DIS3L: variants seen among roughly 807,000 people sequenced by gnomAD.
The protein encoded by DIS3L is DIS3 like exosome 3'-5' exoribonuclease.
In DIS3L, 100 loss-of-function variants were observed where a neutral mutation model predicts 120.3. That is an observed-to-expected ratio of 0.83 (90% confidence interval 0.71 to 0.98). DIS3L has a LOEUF of 0.98. DIS3L is among the 50% of genes least tolerant of loss of function. The pLI is 0.00. For synonymous variants in DIS3L, 426 were observed against 470.6 expected, an observed-to-expected ratio of 0.91 and a Z score of 1.23; for missense variants, 1,196 against 1,314.2, an observed-to-expected ratio of 0.91 and a Z score of 1.39.
intron 4 of DIS3L, among the ~76,000 whole-genome samples, chr15:66,309,724 T>C (rs1376756541): frequency 3.3e-5 from 5 of 152,234 alleles, no homozygotes; most frequent in African/African-American, 4.8e-5. Flanking sequence ...CACCATGCTA[T>C]ACTGCCTTCC....
chr15:66,300,611 A>T (rs897001677), intron 2 of DIS3L, among the ~76,000 whole-genome samples: 1 of 152,200 alleles, frequency 6.6e-6, no homozygotes, highest in South Asian at 2.1e-4. Context: ...TGATAGATTT[A>T]GGTACAATAA....
At chr15:66,307,009 A>T in intron 3 of DIS3L, 57 bp downstream of exon 3, 2 of 1,601,844 alleles carry the variant, frequency 1.2e-6, no homozygotes, top group Admixed American at 1.7e-5. Context: ...TTTCCTCATC[A>T]TTGGCTGTTT....
intron 9 of DIS3L, among the ~76,000 whole-genome samples, chr15:66,321,611 A>C (rs563750769): frequency 1.3e-5 from 2 of 151,992 alleles, no homozygotes; most frequent in Non-Finnish European, 2.9e-5. Context: ...AAAACACACA[A>C]AAAAAGTATC....
rs369153845 is a variant in DIS3L at position 66,333,026 on chromosome 15, C to G, written c.2879C>G (p.Ser960Ter). The G allele has an allele frequency of 1.9e-6, 3 of 1,612,562 alleles. No homozygotes were observed. The highest frequency in any genetic ancestry group is 2.5e-6 in the Non-Finnish European group (3 of 1,179,584). Residue 960 changes from serine to a stop codon, truncating the protein, a stop_gained, in exon 17 of 17, where the codon TCA (serine) becomes TGA (stop). Transcript: ENST00000319212. LOFTEE classifies it high-confidence loss of function. Reference protein sequence around the residue: ...HVTVRISIQASRCHSDTIRLE... With the variant: ...HVTVRISIQA ...TAGGTAAGAATATCCATACAGGCCT[C>G]ACGTTGCCATTCTGATACAATCAGA...
intron 10 of DIS3L, among the ~76,000 whole-genome samples, chr15:66,323,203 A>T (rs533299400): frequency 6.6e-6 from 1 of 152,362 alleles, no homozygotes; most frequent in East Asian, 1.9e-4. Flanking sequence ...ACTATTTTTT[A>T]AAAATACTGG....
Position 66,325,934 on chromosome 15 carries a change from G to A in DIS3L, c.1771G>A (p.Glu591Lys). ...IIRSAYKLFY[E>K]AAQELLDGNL... ...TCGATCAGCATACAAACTGTTCTATGAAGCAGCCCAAGAACTACTGGATGG... is the reference window on the plus strand; with the variant it reads ...TCGATCAGCATACAAACTGTTCTATAAAGCAGCCCAAGAACTACTGGATGG... Residue 591 changes from glutamate to lysine, a missense_variant, in exon 12 of 17, where the codon GAA becomes AAA. Glu to Lys is a moderately conservative substitution (Grantham distance 56). Transcript: ENST00000319212. 1 of 1,614,216 alleles carries A rather than the reference G, an allele frequency of 6.2e-7. No individual in the cohort carries two copies. Among genetic ancestry groups the A allele is most frequent in the Non-Finnish European group, 8.5e-7 (1 of 1,180,040 alleles).
intron 1 of DIS3L, 139 bp downstream of exon 1, chr15:66,293,874 C>T (rs1249399356): frequency 2.3e-6 from 2 of 856,044 alleles, no homozygotes; most frequent in African/African-American, 1.2e-4. Flanking sequence ...CGCTCGCCGG[C>T]CTCACCCCCC....
At chr15:66,311,361 C>G (rs1269398026) in intron 4 of DIS3L, among the ~76,000 whole-genome samples, 2 of 151,596 alleles carry the variant, frequency 1.3e-5, no homozygotes, top group African/African-American at 4.9e-5. Flanking sequence ...GAGGTCTTGT[C>G]TCAAAAAAAA....
At chr15:66,328,387 G>A (rs2092960984) in intron 12 of DIS3L, among the ~76,000 whole-genome samples, 2 of 151,654 alleles carry the variant, frequency 1.3e-5, no homozygotes, top group African/African-American at 4.9e-5. Context: ...ATTTCCTGGG[G>A]CTTTGAAATT....
In DIS3L at chr15:66,332,774, A is replaced by T. The variant is rs146984678; in HGVS notation, c.2720A>T (p.Asp907Val). The T allele has an allele frequency of 6.2e-7, 1 of 1,613,306 alleles. No homozygotes were observed. The highest frequency in any genetic ancestry group is 1.1e-5 in the South Asian group (1 of 90,980). Reference protein sequence around the residue: ...IKGAAYLKNKDGLVISCGPDS... With the variant: ...IKGAAYLKNKVGLVISCGPDS... ...GGTGCTGCTTATCTAAAAAATAAAG[A>T]TGGTTTAGTCATCTCATGTGGCCCA... Residue 907 changes from aspartate (D) to valine (V), a missense_variant, in exon 16 of 17, where the codon GAT becomes GTT. By Grantham distance (152) the Asp-to-Val change is radical (BLOSUM62 -3). Transcript: ENST00000319212.
chr15:66,306,650 A>C, intron 2 of DIS3L, 174 bp from the exon 3 acceptor site: 1 of 847,632 alleles, frequency 1.2e-6, no homozygotes, highest in Non-Finnish European at 1.7e-6. Context: ...ATCGAGAAAC[A>C]ATAGCAGCCC....
rs889735385 is a variant in DIS3L, at chr15:66,330,555, C to T, written c.2535+1156C>T. 7 of 983,030 alleles carry T rather than the reference C, an allele frequency of 7.1e-6. No individual in the cohort carries two copies. The Admixed American group carries it at 3.7e-4, about 52-fold the overall frequency. 60.9% of individuals were successfully genotyped at this position (983,030 alleles called of 1,614,324 possible). A position where few individuals can be genotyped will look rare whatever the true frequency, so the allele number is the denominator to read the frequency against. On this transcript the variant is annotated intron_variant, in intron 14 of 16. Transcript: ENST00000319212. ...TGCTGTGCAATGTTGTAGCACTAGC[C>T]ATGTGGACTACCTAAATTTAATTAA...
At chr15:66,330,605 G>A (rs1224082732) in intron 14 of DIS3L, 13 of 960,188 alleles carry the variant, frequency 1.4e-5, no homozygotes, top group South Asian at 4.8e-5. Context: ...ATTTGTCTCA[G>A]TAGAAATTTG....
rs8037905 is a variant in DIS3L, at chr15:66,296,964, G to T, written c.293+1823G>T. On this transcript the variant is annotated intron_variant, in intron 2 of 16. Transcript: ENST00000319212. The stretch of plus-strand genomic sequence containing the variant: ...TATGCAAAGTGCAGAAGTAAACGTG[G>T]AGTGGAGCAATTAGGCCAAAAAATC... Among the ~76,000 whole-genome samples, 446 of 152,354 alleles carry T rather than the reference G, an allele frequency of 2.9e-3. 2 individuals carry two copies. The highest frequency in any genetic ancestry group is 0.01 in the African/African-American group (432 of 41,598).
chr15:66,298,967 C>T (rs1194134022), intron 2 of DIS3L, among the ~76,000 whole-genome samples: 1 of 152,206 alleles, frequency 6.6e-6, no homozygotes, highest in South Asian at 2.1e-4. Context: ...GTGACAAATG[C>T]ACTGAAGCAC....
At chr15:66,301,252 T>C (rs947860869) in intron 2 of DIS3L, among the ~76,000 whole-genome samples, 14 of 151,940 alleles carry the variant, frequency 9.2e-5, no homozygotes, top group Non-Finnish European at 1.3e-4. Context: ...ACTAAGGTTT[T>C]TCTGCAAGAG....
At chr15:66,295,169 T>A in intron 2 of DIS3L, 28 bp downstream of exon 2, 2 of 1,602,640 alleles carry the variant, frequency 1.2e-6, no homozygotes, top group South Asian at 1.1e-5. Flanking sequence ...TTTATTTCTA[T>A]ATGGCATAGG....
intron 4 of DIS3L, among the ~76,000 whole-genome samples, chr15:66,310,907 A>C (rs936843045): frequency 6.6e-6 from 1 of 152,140 alleles, no homozygotes; most frequent in South Asian, 2.1e-4. Context: ...AAGCAGGAGG[A>C]TCACTTGAGC....
At chr15:66,324,178 T>C (rs1429821057) in intron 11 of DIS3L, among the ~76,000 whole-genome samples, 1 of 152,210 alleles carries the variant, frequency 6.6e-6, no homozygotes. Context: ...ATATACTGTT[T>C]AGCACCTTCC....
Sources: allele counts gnomAD v4.1 joint callset (sites outside exome capture counted in the v4.1 genomes callset), GRCh38; gene constraint gnomAD v4.1.1; transcripts MANE v1.5; gene names NCBI Gene and HGNC (gene_info 2026-07-23, HGNC 2026-07-21).